The following FREM1 variants were observed in gnomAD, a reference collection of about 807,000 sequenced individuals.
FREM1 encodes the protein FRAS1-related extracellular matrix protein 1.
FREM1 carries 220 observed loss-of-function variants against 210.1 expected under a neutral mutation model. That is an observed-to-expected ratio of 1.05 (90% CI 0.94 to 1.17). The LOEUF (loss-of-function observed/expected upper bound fraction) is 1.17, where lower values mean the gene tolerates loss of function less well. Among genes scored for constraint, FREM1 ranks in the 50% most tolerant of loss-of-function variants. The probability of loss-of-function intolerance (pLI) is 0.00; values close to 1 mark genes in which losing one functional copy is unlikely to be tolerated. For missense variants in FREM1, 3,454 were observed against 2,675.5 expected, an observed-to-expected ratio of 1.29 and a Z score of -6.42; for synonymous variants, 1,189 against 980.2, an observed-to-expected ratio of 1.21 and a Z score of -3.98.
intron 22 of FREM1, among the ~76,000 whole-genome samples, chr9:14,789,440 T>C (rs977728112): frequency 2.6e-5 from 4 of 152,218 alleles, no homozygotes; most frequent in East Asian, 1.9e-4. Context: ...AGGTGGGTAA[T>C]CGAGCTCTTG....
intron 5 of FREM1, among the ~76,000 whole-genome samples, chr9:14,854,589 G>C (rs1828377937): frequency 1.3e-5 from 2 of 151,880 alleles, no homozygotes; most frequent in Admixed American, 1.3e-4. Flanking sequence ...GTGGGGAATA[G>C]AGCAAAAATA....
rs141390141 is a variant in FREM1 at position 14,766,508 on chromosome 9, C to T, written c.5204+3216G>A. Among the ~76,000 whole-genome samples the T allele has an allele frequency of 2.1e-3, 321 of 152,202 alleles. 3 individuals carry two copies. Among genetic ancestry groups the T allele is most frequent in the African/African-American group, 7.3e-3 (303 of 41,552 alleles). On this transcript the variant is annotated intron_variant, in intron 27 of 36. Transcript: ENST00000380880. Reference sequence around the variant, plus strand: ...AGGATGTGATGCAGTTAAACAAGCACGCAAGCTAGCTAGCTGGCAGTAACT... The same window carrying T: ...AGGATGTGATGCAGTTAAACAAGCATGCAAGCTAGCTAGCTGGCAGTAACT...
At chr9:14,840,718 T>C (rs941318792) in intron 10 of FREM1, among the ~76,000 whole-genome samples, 2 of 152,122 alleles carry the variant, frequency 1.3e-5, no homozygotes, top group African/African-American at 2.4e-5. Context: ...TTACTTAATT[T>C]CAGCTGTCCT....
intron 28 of FREM1, among the ~76,000 whole-genome samples, chr9:14,757,356 A>G (rs1026102243): frequency 6.6e-6 from 1 of 152,122 alleles, no homozygotes; most frequent in Admixed American, 6.5e-5. Context: ...GGAGTTCAAG[A>G]CCAACCTGGC....
intron 1 of FREM1, among the ~76,000 whole-genome samples, chr9:14,896,672 T>C (rs11787561): frequency 0.33 from 49,576 of 151,938 alleles, 8,400 homozygotes; most frequent in African/African-American, 0.39. Context: ...CAGCCATTCT[T>C]TTATTCCTTT....
chr9:14,857,429 T>C, intron 5 of FREM1, 124 bp downstream of exon 5: 1 of 835,640 alleles, frequency 1.2e-6, no homozygotes, highest in South Asian at 1.3e-5. Flanking sequence ...AATGAGTCGC[T>C]GGCAGTTTTA....
chr9:14,819,160 T>C lies in FREM1; in HGVS notation c.2546+74A>G, dbSNP rs182221954. The C allele has an allele frequency of 4.1e-4, 439 of 1,077,076 alleles. 2 individuals are homozygous for C. In the African/African-American group the frequency reaches 6.2e-3, roughly 15 times the overall value. The allele number at this position is 1,077,076 out of a possible 1,614,324, so 66.7% of individuals were successfully genotyped here. ...TTAAGAAATTGGACAAACTTCTTTC[T>C]CTTACTCTGCCTCACAACTGATCTA... is the stretch of plus-strand genomic sequence containing the variant. On this transcript the variant is annotated intron_variant, in intron 14 of 36. Transcript: ENST00000380880.
intron 24 of FREM1, 31 bp from the exon 25 acceptor site, chr9:14,776,234 A>G (rs780753274): frequency 3.3e-6 from 5 of 1,507,956 alleles, no homozygotes; most frequent in South Asian, 2.8e-5. Flanking sequence ...AGCCTTCAGC[A>G]TGGATTCTTG....
rs184942504 is a variant in FREM1 at position 14,875,989 on chromosome 9, G to A, written c.-267-6745C>T. Among the ~76,000 whole-genome samples, 662 of 152,274 alleles carry A rather than the reference G, an allele frequency of 4.3e-3. 6 individuals are homozygous for A. The highest frequency in any genetic ancestry group is 5.8e-3 in the African/African-American group (241 of 41,560). The stretch of plus-strand genomic sequence containing the variant: ...TCCACAGCAGTGGCTGCAGAACAGC[G>A]GATTTTCGTGAACCGCAAATGCTGC... On this transcript the variant is annotated intron_variant, in intron 1 of 36. Coordinates refer to ENST00000380880, the MANE Select transcript of FREM1 (RefSeq NM_001379081.2).
In FREM1 at chr9:14,861,038, CATATAT is replaced by C. The variant is rs1299871994; in HGVS notation, c.330-1560_330-1555del. On this transcript the variant is annotated intron_variant, in intron 3 of 36. Coordinates refer to ENST00000380880, the MANE Select transcript of FREM1 (RefSeq NM_001379081.2). ...ATATATACACATATATACATATATA[CATATAT>C]ACATATATACATATATACACATATA... Among the ~76,000 whole-genome samples, 381 of 74,128 alleles carry C rather than the reference CATATAT, an allele frequency of 5.1e-3. 20 individuals are homozygous for C. The highest frequency in any genetic ancestry group is 0.011 in the African/African-American group (150 of 14,256). 48.6% of individuals were successfully genotyped at this position (74,128 alleles called of 152,430 possible).
At position 14,751,739 on chromosome 9, in the gene FREM1, G is replaced by A. The variant is rs996996889; in HGVS notation, c.5408-1463C>T. On this transcript the variant is annotated intron_variant, in intron 29 of 36. Coordinates refer to ENST00000380880, the MANE Select transcript of FREM1 (RefSeq NM_001379081.2). ...CTCTCAACTGTCCATCTATATGGTG[G>A]CCTCTTTCTTGAAGGTATGCCTCAC... The A allele has an allele frequency of 2.0e-5, 3 of 152,022 alleles. No individual in the cohort carries two copies. In the East Asian group the frequency reaches 5.8e-4, roughly 29 times the overall value. 9.4% of individuals were successfully genotyped at this position (152,022 alleles called of 1,614,324 possible). A position where few individuals can be genotyped will look rare whatever the true frequency, so the allele number is the denominator to read the frequency against.
In FREM1 at chr9:14,756,272, T is replaced by C. The variant is rs1256644012; in HGVS notation, c.5407+102A>G. 4.7e-6 allele frequency: 4 copies of C among 855,004 alleles called. No individual in the cohort carries two copies. In the African/African-American group the frequency reaches 7.0e-5, roughly 15 times the overall value. 53.0% of individuals were successfully genotyped at this position (855,004 alleles called of 1,614,324 possible). On this transcript the variant is annotated intron_variant, in intron 29 of 36. Coordinates refer to ENST00000380880, the MANE Select transcript of FREM1 (RefSeq NM_001379081.2). ...GCTCCCTGAGGAGTTTCTAGTTGGC[T>C]AAAGTTGTGTAACATTCTATCTTCT...
intron 1 of FREM1, among the ~76,000 whole-genome samples, chr9:14,894,840 C>A (rs1007863219): frequency 1.3e-5 from 2 of 152,176 alleles, no homozygotes; most frequent in Non-Finnish European, 2.9e-5. Flanking sequence ...CAATAAGAAT[C>A]TGTTTTCTTT....
In FREM1 at chr9:14,868,807, G is replaced by C; in HGVS notation, c.171C>G (p.Ala57=). ...LKFAIPKEKD[A]CKVEVVMNEP... ...CATTCATCACAACTTCCACTTTGCA[G>C]GCATCTTTCTCTTTAGGGATGGCAA... Residue 57 remains alanine, a synonymous_variant, in exon 2 of 37, where the codon GCC becomes GCG. Transcript: ENST00000380880. 1.9e-6 allele frequency: 3 copies of C among 1,613,114 alleles called. No individual in the cohort carries two copies. The highest frequency in any genetic ancestry group is 2.5e-6 in the Non-Finnish European group (3 of 1,179,544).
intron 1 of FREM1, among the ~76,000 whole-genome samples, chr9:14,893,008 G>A (rs1837121885): frequency 6.6e-6 from 1 of 152,176 alleles, no homozygotes; most frequent in Admixed American, 6.5e-5. Context: ...AGGGGCTAAT[G>A]TCTGTGTTTT....
At chr9:14,788,191 G>A (rs1033958812) in intron 23 of FREM1, among the ~76,000 whole-genome samples, 3 of 152,136 alleles carry the variant, frequency 2.0e-5, no homozygotes, top group Non-Finnish European at 2.9e-5. Context: ...GGATAATACA[G>A]ATGAATGAGA....
chr9:14,817,740 T>C (rs1488752490), intron 14 of FREM1, among the ~76,000 whole-genome samples: 1 of 152,138 alleles, frequency 6.6e-6, no homozygotes, highest in Non-Finnish European at 1.5e-5. Flanking sequence ...TGAGGACTAG[T>C]TTCACCCATA....
intron 1 of FREM1, among the ~76,000 whole-genome samples, chr9:14,883,711 T>C (rs1228911582): frequency 6.6e-6 from 1 of 152,242 alleles, no homozygotes; most frequent in Admixed American, 6.5e-5. Context: ...AGCCAACTTC[T>C]ACATGAAAAA....
At chr9:14,827,300 C>T (rs2130888244) in intron 10 of FREM1, among the ~76,000 whole-genome samples, 1 of 152,290 alleles carries the variant, frequency 6.6e-6, no homozygotes, top group Non-Finnish European at 1.5e-5. Flanking sequence ...TTATTGGAAA[C>T]TGGAAGAAAG....
Sources: allele counts gnomAD v4.1 joint callset (sites outside exome capture counted in the v4.1 genomes callset), GRCh38; gene constraint gnomAD v4.1.1; transcripts MANE v1.5; gene names NCBI Gene and HGNC (gene_info 2026-07-23, HGNC 2026-07-21).